ADAMTSL3: variants seen among roughly 807,000 people sequenced by gnomAD.
ADAMTSL3 encodes ADAMTS like 3, also known as ADAMTS-like protein 3.
ADAMTSL3 carries 128 observed loss-of-function variants against 201.7 expected under a neutral mutation model. The ratio of observed to expected loss-of-function variants is 0.63; its 90% confidence interval spans 0.55 to 0.73. The LOEUF (loss-of-function observed/expected upper bound fraction) is 0.73, where lower values mean the gene tolerates loss of function less well. Ranked by LOEUF, ADAMTSL3 falls within the 30% of genes least tolerant of loss-of-function variation. ADAMTSL3 has a pLI of 0.00. For synonymous variants in ADAMTSL3, 738 were observed against 748.4 expected (o/e 0.99, Z 0.23); for missense variants, 1,990 against 2,119.6 (o/e 0.94, Z 1.20).
chr15:83,926,771 A>G (rs1485323355), intron 17 of ADAMTSL3, among the ~76,000 whole-genome samples: 1 of 152,026 alleles, frequency 6.6e-6, no homozygotes. Context: ...GCCTGCCACC[A>G]TGCCCAGATA....
In ADAMTSL3 at chr15:83,906,927, A is replaced by G. The variant is rs566963202; in HGVS notation, c.1701-6165A>G. ...ATTCTGTGTTATTTGTATTATCTGT[A>G]GGTTTTAAAATTACCAGCTGGGTGC... is the stretch of plus-strand genomic sequence containing the variant. On this transcript the variant is annotated intron_variant, in intron 15 of 29. Transcript: ENST00000286744. 4.6e-5 allele frequency among the ~76,000 whole-genome samples: 7 copies of G among 151,376 alleles called. No individual in the cohort carries two copies. The South Asian group carries it at 1.5e-3, about 32-fold the overall frequency.
intron 28 of ADAMTSL3, among the ~76,000 whole-genome samples, chr15:84,034,748 C>T (rs1341403971): frequency 5.9e-5 from 9 of 152,160 alleles, no homozygotes; most frequent in Non-Finnish European, 1.3e-4. Flanking sequence ...TTGGGATCTA[C>T]TGCCGTCAGA....
intron 8 of ADAMTSL3, among the ~76,000 whole-genome samples, 178 bp downstream of exon 8, chr15:83,859,018 A>G (rs2064800528): frequency 6.6e-6 from 1 of 152,226 alleles, no homozygotes; most frequent in South Asian, 2.1e-4. Flanking sequence ...AAACACTGAC[A>G]TTAGGATTTG....
intron 23 of ADAMTSL3, among the ~76,000 whole-genome samples, chr15:83,999,163 T>C (rs1344051724): frequency 6.6e-6 from 1 of 152,250 alleles, no homozygotes; most frequent in Non-Finnish European, 1.5e-5. Flanking sequence ...CTCTAAGTCA[T>C]GGAATTTTCT....
chr15:83,941,478 A>C (rs910632859), intron 17 of ADAMTSL3, among the ~76,000 whole-genome samples: 1 of 152,184 alleles, frequency 6.6e-6, no homozygotes, highest in Non-Finnish European at 1.5e-5. Flanking sequence ...ATGAATAATT[A>C]TTCAGATTTT....
intron 6 of ADAMTSL3, among the ~76,000 whole-genome samples, chr15:83,826,223 A>T (rs976198263): frequency 6.6e-6 from 1 of 152,006 alleles, no homozygotes; most frequent in Non-Finnish European, 1.5e-5. Context: ...CTCCCAACCT[A>T]GTCTGCACTC....
chr15:83,892,782 T>G lies in ADAMTSL3; in HGVS notation c.1361T>G (p.Ile454Arg), dbSNP rs748537028. 23 of 1,613,960 alleles carry G rather than the reference T, an allele frequency of 1.4e-5. No homozygotes were observed. The highest frequency in any genetic ancestry group is 2.7e-5 in the African/African-American group (2 of 74,900). Residue 454 changes from isoleucine to arginine, a missense_variant, in exon 13 of 30, where the codon ATA (isoleucine) becomes AGA (arginine). Physicochemically the swap from Ile to Arg is moderately conservative, Grantham distance 97. Coordinates refer to ENST00000286744, the MANE Select transcript of ADAMTSL3 (RefSeq NM_207517.3). ...GTAGAGGAATCCATGCATGGAGAGATATTGCAGGTGGAAGAATGGAAGTGC... is the reference window on the plus strand; with the variant it reads ...GTAGAGGAATCCATGCATGGAGAGAGATTGCAGGTGGAAGAATGGAAGTGC... ...VCVEESMHGE[I>R]LQVEEWKCMY...
Position 83,668,063 on chromosome 15 carries a change from A to G in ADAMTSL3, c.69+12233A>G, listed in dbSNP as rs559544435. The stretch of plus-strand genomic sequence containing the variant: ...CTATTCATTTTCTGTCTCGTACCCC[A>G]TGTCCTCTTTATGCTGCTCTTCAGC... On this transcript the variant is annotated intron_variant, in intron 2 of 29. Coordinates refer to ENST00000286744, the MANE Select transcript of ADAMTSL3 (RefSeq NM_207517.3). Among the ~76,000 whole-genome samples, 12 of 152,224 alleles carry G rather than the reference A, an allele frequency of 7.9e-5. No homozygotes were observed. The Middle Eastern group carries it at 0.014, about 173-fold the overall frequency.
chr15:83,861,026 G>A (rs547045453), intron 8 of ADAMTSL3, among the ~76,000 whole-genome samples: 6 of 152,304 alleles, frequency 3.9e-5, no homozygotes, highest in African/African-American at 1.2e-4. Context: ...TATATCCCAC[G>A]TCTGGCTCAG....
chr15:83,968,099 G>C (rs919086266), intron 19 of ADAMTSL3, among the ~76,000 whole-genome samples: 2 of 152,106 alleles, frequency 1.3e-5, no homozygotes, highest in African/African-American at 4.8e-5. Context: ...AAACTAGGCA[G>C]TGCCATTCAG....
At chr15:83,679,260 C>A (rs1321284162) in intron 2 of ADAMTSL3, among the ~76,000 whole-genome samples, 2 of 152,098 alleles carry the variant, frequency 1.3e-5, no homozygotes, top group Non-Finnish European at 2.9e-5. Context: ...CATAATTGCT[C>A]ATAGAAACAT....
intron 2 of ADAMTSL3, among the ~76,000 whole-genome samples, chr15:83,660,475 G>C (rs1363057083): frequency 6.6e-6 from 1 of 152,154 alleles, no homozygotes; most frequent in Non-Finnish European, 1.5e-5. Flanking sequence ...AGATTTGGTT[G>C]GGTTTGGCCC....
At chr15:83,686,932 T>C (rs2061543743) in intron 2 of ADAMTSL3, among the ~76,000 whole-genome samples, 1 of 152,192 alleles carries the variant, frequency 6.6e-6, no homozygotes, top group African/African-American at 2.4e-5. Flanking sequence ...GGCTCACACC[T>C]GTAATTCCAG....
intron 3 of ADAMTSL3, among the ~76,000 whole-genome samples, chr15:83,714,927 T>A (rs2061995594): frequency 7.8e-6 from 1 of 127,802 alleles, no homozygotes; most frequent in African/African-American, 3.0e-5. Flanking sequence ...CCTTCCTTCC[T>A]TCCTTCCTTC....
At chr15:84,032,991 T>G (rs1229630324) in intron 28 of ADAMTSL3, among the ~76,000 whole-genome samples, 1 of 152,234 alleles carries the variant, frequency 6.6e-6, no homozygotes. Flanking sequence ...TCTTTTAAAA[T>G]TTTTGCCAAT....
intron 2 of ADAMTSL3, among the ~76,000 whole-genome samples, chr15:83,679,926 C>T (rs548706408): frequency 1.3e-5 from 2 of 152,138 alleles, no homozygotes; most frequent in East Asian, 3.8e-4. Flanking sequence ...GTCCAAAATC[C>T]TGACTTGGTC....
At chr15:83,721,958 C>G (rs573611156) in intron 3 of ADAMTSL3, among the ~76,000 whole-genome samples, 17 of 152,240 alleles carry the variant, frequency 1.1e-4, no homozygotes, top group Admixed American at 9.8e-4. Flanking sequence ...GTCTCGAACT[C>G]CTGACCTCAT....
At chr15:83,712,510 T>C (rs1261673237) in intron 3 of ADAMTSL3, among the ~76,000 whole-genome samples, 1 of 152,206 alleles carries the variant, frequency 6.6e-6, no homozygotes, top group African/African-American at 2.4e-5. Context: ...TCAGTGCTCC[T>C]CTTTTTTGGA....
chr15:83,655,337 C>A (rs1410519809), intron 1 of ADAMTSL3, among the ~76,000 whole-genome samples: 1 of 152,162 alleles, frequency 6.6e-6, no homozygotes, highest in Non-Finnish European at 1.5e-5. Context: ...CCTCTCTGGG[C>A]GGCTTTGTTG....
Sources: gnomAD v4.1 joint callset for allele counts (sites outside exome capture counted in the v4.1 genomes callset) on GRCh38, gnomAD v4.1.1 for gene constraint, MANE v1.5 for transcripts, NCBI Gene and HGNC (gene_info 2026-07-23, HGNC 2026-07-21) for gene names.